Variants in EEF2KMT observed in about 807,000 individuals in gnomAD.
EEF2KMT encodes protein-lysine N-methyltransferase EEF2KMT.
In EEF2KMT, 30 loss-of-function variants were observed where a neutral mutation model predicts 35.1. That is an observed-to-expected ratio of 0.85 (90% CI 0.64 to 1.16). The LOEUF (loss-of-function observed/expected upper bound fraction) is 1.16. Ranked by LOEUF, EEF2KMT falls within the 50% of genes most tolerant of loss-of-function variation. The probability of loss-of-function intolerance (pLI) is 0.00; values close to 1 mark genes in which losing one functional copy is unlikely to be tolerated. For missense variants in EEF2KMT, 499 were observed against 438.2 expected, an observed-to-expected ratio of 1.14 and a Z score of -1.24; for synonymous variants, 190 against 187.7, an observed-to-expected ratio of 1.01 and a Z score of -0.10.
At position 5,084,931 on chromosome 16, in the gene EEF2KMT, GCTT is replaced by G. The variant is rs753650595; in HGVS notation, c.*698_*700del. ...CAGGACCCCTGCTGTCCTTCCCGCAGCTTCTTCTTGGAGTCTCAGGGCAAACCC... is the reference window on the plus strand; with the variant it reads ...CAGGACCCCTGCTGTCCTTCCCGCAGCTTCTTGGAGTCTCAGGGCAAACCC... On this transcript the variant is annotated 3_prime_UTR_variant, in exon 8 of 8. Coordinates refer to ENST00000427587, the MANE Select transcript of EEF2KMT (RefSeq NM_201400.4). 2.4e-5 allele frequency: 39 copies of G among 1,596,392 alleles called. No homozygotes were observed. The highest frequency in any genetic ancestry group is 6.7e-5 in the African/African-American group (5 of 74,962).
Position 5,090,531 on chromosome 16 carries a change from G to C in EEF2KMT, c.377C>G (p.Thr126Arg). The C allele has an allele frequency of 6.2e-7, 1 of 1,611,974 alleles. No homozygotes were observed. Residue 126 changes from threonine to arginine, a missense_variant, in exon 5 of 8, where the codon ACG (threonine) becomes AGG (arginine). Transcript: ENST00000427587. This position sits in a 1 kb window ranked among gnomAD's most constrained non-coding sequence, Gnocchi z 4.1. ...SGGSVTLSES[T>R]AIISYGTTGL... Reference sequence around the variant, plus strand: ...TGTGGTACCGTAGGAGATGATGGCCGTGCTCTCGGAGAGTGTGACCGAGCC... The same window carrying C: ...TGTGGTACCGTAGGAGATGATGGCCCTGCTCTCGGAGAGTGTGACCGAGCC...
At chr16:5,092,859 G>A (rs890981501) in intron 3 of EEF2KMT, among the ~76,000 whole-genome samples, 28 of 152,272 alleles carry the variant, frequency 1.8e-4, no homozygotes, top group African/African-American at 6.7e-4. Context: ...CTTCTTAGGA[G>A]GCTGGCATGA....
intron 3 of EEF2KMT, among the ~76,000 whole-genome samples, chr16:5,092,705 G>A (rs1957366593): frequency 6.6e-6 from 1 of 152,216 alleles, no homozygotes; most frequent in South Asian, 2.1e-4. Flanking sequence ...GCTCATGCCT[G>A]TAATCCCAGC....
chr16:5,095,709 C>T (rs1957445672), intron 1 of EEF2KMT, among the ~76,000 whole-genome samples, 195 bp from the exon 2 acceptor site: 2 of 152,136 alleles, frequency 1.3e-5, no homozygotes, highest in East Asian at 1.9e-4. Flanking sequence ...AGGAAGAAGG[C>T]TGACTTTTGG....
At chr16:5,089,648 G>T (rs1957297912) in intron 6 of EEF2KMT, among the ~76,000 whole-genome samples, 1 of 152,164 alleles carries the variant, frequency 6.6e-6, no homozygotes, top group Non-Finnish European at 1.5e-5. Flanking sequence ...GGACCTGTGG[G>T]TTTCAGGGCT....
chr16:5,096,507 G>C (rs1360849551), intron 1 of EEF2KMT, among the ~76,000 whole-genome samples: 1 of 152,218 alleles, frequency 6.6e-6, no homozygotes. Flanking sequence ...GCCAGGCACT[G>C]ATCCACAGGC....
Sources: allele counts gnomAD v4.1 joint callset (sites outside exome capture counted in the v4.1 genomes callset), GRCh38; gene constraint gnomAD v4.1.1; non-coding constraint Gnocchi (gnomAD v3.1); transcripts MANE v1.5; gene names NCBI Gene and HGNC (gene_info 2026-07-23, HGNC 2026-07-21).